Variants in RNF17 observed in about 807,000 individuals in gnomAD.
RNF17 encodes ring finger protein 17, also known as spermatogenesis associated 23.
RNF17 carries 31 observed loss-of-function variants against 200.5 expected under a neutral mutation model. That is an observed-to-expected ratio of 0.15 (90% CI 0.12 to 0.21). The LOEUF is 0.21. RNF17 is among the 10% of genes least tolerant of loss of function. The pLI, the probability that RNF17 is intolerant of heterozygous loss-of-function variation, is 1.00. For synonymous variants in RNF17, 606 were observed against 637.8 expected (o/e 0.95, Z 0.75); for missense variants, 1,628 against 1,905.1 (o/e 0.85, Z 2.71).
chr13:24,796,705 C>T (rs1593274341), intron 11 of RNF17, among the ~76,000 whole-genome samples: 1 of 152,274 alleles, frequency 6.6e-6, no homozygotes, highest in Non-Finnish European at 1.5e-5. Context: ...GCCTGTGGCA[C>T]CCATTCCCAG....
intron 6 of RNF17, among the ~76,000 whole-genome samples, chr13:24,785,831 T>G (rs1883034526): frequency 1.3e-5 from 2 of 152,218 alleles, no homozygotes; most frequent in African/African-American, 4.8e-5. Context: ...TGCCTAAAAT[T>G]TGTGGAGCCA....
intron 22 of RNF17, among the ~76,000 whole-genome samples, chr13:24,848,176 C>A (rs2138187045): frequency 6.6e-6 from 1 of 152,190 alleles, no homozygotes; most frequent in East Asian, 1.9e-4. Context: ...ATTTTATTAT[C>A]TGGATAAAAT....
intron 2 of RNF17, among the ~76,000 whole-genome samples, chr13:24,768,358 C>G (rs373263003): frequency 1.3e-5 from 2 of 148,878 alleles, no homozygotes; most frequent in Non-Finnish European, 3.0e-5. Context: ...AATCTCAGCT[C>G]ACTGCAACCT....
At chr13:24,783,521 G>A (rs1012060782) in intron 6 of RNF17, among the ~76,000 whole-genome samples, 1 of 152,120 alleles carries the variant, frequency 6.6e-6, no homozygotes, top group Non-Finnish European at 1.5e-5. Flanking sequence ...CTATGCACAT[G>A]GGATGTCTTC....
chr13:24,808,963 A>G (rs1273031343), intron 15 of RNF17, among the ~76,000 whole-genome samples: 1 of 151,006 alleles, frequency 6.6e-6, no homozygotes, highest in African/African-American at 2.4e-5. Flanking sequence ...ATTTGCATAT[A>G]TTGAACCAGC....
chr13:24,881,261 CT>C (rs1953807060), downstream of RNF17, among the ~76,000 whole-genome samples: 1 of 151,998 alleles, frequency 6.6e-6, no homozygotes, highest in Non-Finnish European at 1.5e-5. Context: ...ATTGTCCTAC[CT>C]CCCAAGTAGC....
intron 15 of RNF17, among the ~76,000 whole-genome samples, chr13:24,815,148 A>C (rs1887226122): frequency 6.6e-6 from 1 of 152,220 alleles, no homozygotes; most frequent in Non-Finnish European, 1.5e-5. Flanking sequence ...TGACATCTTA[A>C]CAATTTTAAG....
At chr13:24,763,966 T>A (rs920492421), upstream of RNF17, among the ~76,000 whole-genome samples, 4 of 152,198 alleles carry the variant, frequency 2.6e-5, no homozygotes, top group African/African-American at 7.2e-5. Flanking sequence ...GGTGACTCTT[T>A]GGGTAGAACG....
chr13:24,876,720 T>TTAGAG (rs917607567), intron 33 of RNF17, among the ~76,000 whole-genome samples: 1 of 152,162 alleles, frequency 6.6e-6, no homozygotes, highest in East Asian at 1.9e-4. Flanking sequence ...TTGTAGATCT[T>TTAGAG]TAGAGTAATG....
intron 30 of RNF17, among the ~76,000 whole-genome samples, chr13:24,867,486 T>A (rs1893754307): frequency 1.3e-5 from 2 of 152,252 alleles, no homozygotes; most frequent in Non-Finnish European, 2.9e-5. Flanking sequence ...CATAACCTTA[T>A]TGTAAATTGC....
At chr13:24,759,746 T>G (rs954327870), upstream of RNF17, among the ~76,000 whole-genome samples, 4 of 152,148 alleles carry the variant, frequency 2.6e-5, no homozygotes, top group East Asian at 1.9e-4. Context: ...GAGGGAGAGA[T>G]AAGAATTTCC....
intron 17 of RNF17, among the ~76,000 whole-genome samples, chr13:24,830,883 T>G (rs567903972): frequency 6.6e-6 from 1 of 152,380 alleles, no homozygotes; most frequent in African/African-American, 2.4e-5. Context: ...GTCACGTTCA[T>G]GATATATCAA....
chr13:24,837,227 C>T (rs1566201720), intron 18 of RNF17, among the ~76,000 whole-genome samples: 1 of 152,048 alleles, frequency 6.6e-6, no homozygotes, highest in African/African-American at 2.4e-5. Context: ...ATTTATAAAA[C>T]AATTACTAAT....
At chr13:24,779,832 G>A (rs1292473586) in intron 5 of RNF17, 85 bp downstream of exon 5, 20 of 1,057,628 alleles carry the variant, frequency 1.9e-5, no homozygotes, top group Non-Finnish European at 2.8e-5. Context: ...TACCACTGAG[G>A]TTAGAGCTTA....
Position 24,864,935 on chromosome 13 carries a change from T to G in RNF17, c.4038T>G (p.Leu1346=). The G allele has an allele frequency of 6.4e-7, 1 of 1,571,158 alleles. No homozygotes were observed. ...SIHLYFDGMS[L]SYFMAYYKYC... Reference sequence around the variant, plus strand: ...ACCTCTATTTTGATGGAATGTCACTTTCTTATTTTATGGCATACTATAAAT... The same window carrying G: ...ACCTCTATTTTGATGGAATGTCACTGTCTTATTTTATGGCATACTATAAAT... The change falls in exon 29 of 36, where the codon CTT becomes CTG. Residue 1346 remains leucine (L), a synonymous_variant. Coordinates refer to ENST00000255324, the MANE Select transcript of RNF17 (RefSeq NM_031277.3).
At chr13:24,812,291 G>C (rs151320261) in intron 15 of RNF17, among the ~76,000 whole-genome samples, 1 of 151,756 alleles carries the variant, frequency 6.6e-6, no homozygotes, top group South Asian at 2.1e-4. Context: ...AGCAGTCAGC[G>C]AGACTCCGTG....
intron 22 of RNF17, 123 bp downstream of exon 22, chr13:24,845,202 A>C (rs28482277): frequency 3.3e-6 from 2 of 601,356 alleles, no homozygotes; most frequent in Non-Finnish European, 5.8e-6. Flanking sequence ...GGACTTCAAG[A>C]GGGAAAGAGA....
chr13:24,844,904 C>CA, intron 21 of RNF17, 57 bp from the exon 22 acceptor site: 1 of 1,553,220 alleles, frequency 6.4e-7, no homozygotes, highest in Non-Finnish European at 8.8e-7. Flanking sequence ...TTCAGTTTGC[C>CA]AAAAAAATAT....
intron 34 of RNF17, among the ~76,000 whole-genome samples, chr13:24,878,616 C>T (rs982844807): frequency 3.3e-5 from 5 of 152,162 alleles, no homozygotes. Context: ...ACCAAAGAAT[C>T]TGGAGGCTGA....
Sources: gnomAD v4.1 joint callset for allele counts (sites outside exome capture counted in the v4.1 genomes callset) on GRCh38, gnomAD v4.1.1 for gene constraint, MANE v1.5 for transcripts, NCBI Gene and HGNC (gene_info 2026-07-23, HGNC 2026-07-21) for gene names.